MAGI2: variants seen among roughly 807,000 people sequenced by gnomAD.
MAGI2 encodes the protein membrane-associated guanylate kinase, WW and PDZ domain-containing protein 2.
MAGI2 carries 35 observed loss-of-function variants against 133.3 expected under a neutral mutation model. The observed-to-expected ratio is 0.26, with a 90% CI of 0.20 to 0.35. The LOEUF (loss-of-function observed/expected upper bound fraction) is 0.35. MAGI2 is among the 10% of genes least tolerant of loss of function. The pLI, the probability that MAGI2 is intolerant of heterozygous loss-of-function variation, is 1.00. For synonymous variants in MAGI2, 729 were observed against 710.6 expected (o/e 1.03, Z -0.41); for missense variants, 1,636 against 1,863.4 (o/e 0.88, Z 2.25).
At chr7:78,611,820 A>G (rs1806480117) in intron 3 of MAGI2, among the ~76,000 whole-genome samples, 1 of 152,134 alleles carries the variant, frequency 6.6e-6, no homozygotes, top group South Asian at 2.1e-4. Context: ...CCAGCACAAA[A>G]AGGTTGTAAA....
chr7:79,126,175 A>G (rs761284487), intron 1 of MAGI2, among the ~76,000 whole-genome samples: 1 of 152,158 alleles, frequency 6.6e-6, no homozygotes, highest in South Asian at 2.1e-4. Context: ...AAAATAGAGG[A>G]AGATGAAGTA....
intron 2 of MAGI2, among the ~76,000 whole-genome samples, chr7:78,763,690 G>A (rs2151304737): frequency 6.6e-6 from 1 of 151,892 alleles, no homozygotes; most frequent in African/African-American, 2.4e-5. Context: ...TTACCCTAAA[G>A]AGTCCAATTA....
intron 1 of MAGI2, among the ~76,000 whole-genome samples, chr7:79,115,854 G>GTTTTTTTTTT (rs59398227): frequency 1.8e-4 from 17 of 93,944 alleles, no homozygotes; most frequent in African/African-American, 6.5e-4. Context: ...ATGTTTTAAA[G>GTTTTTTTTTT]TTTTTTTTTT....
At position 78,744,956 on chromosome 7, in the gene MAGI2, T is replaced by C. The variant is rs11977316; in HGVS notation, c.419-117717A>G. On this transcript the variant is annotated intron_variant, in intron 2 of 21. Coordinates refer to ENST00000354212, the MANE Select transcript of MAGI2 (RefSeq NM_012301.4). ...TCCCAGGTCCTGTTTGTAATAATAG[T>C]TAGAGCTGACTATGTACCAGGATGG... Among the ~76,000 whole-genome samples, 1,112 of 152,304 alleles carry C rather than the reference T, an allele frequency of 7.3e-3. 8 individuals carry two copies. Among genetic ancestry groups the C allele is most frequent in the African/African-American group, 0.025 (1,044 of 41,558 alleles).
At chr7:78,396,317 C>G (rs1796341092) in intron 6 of MAGI2, among the ~76,000 whole-genome samples, 2 of 152,170 alleles carry the variant, frequency 1.3e-5, no homozygotes, top group Admixed American at 1.3e-4. Flanking sequence ...ATTCTGCCAG[C>G]CTCCCTGACT....
chr7:78,515,946 G>C (rs1001202618), intron 4 of MAGI2, among the ~76,000 whole-genome samples: 1 of 151,992 alleles, frequency 6.6e-6, no homozygotes, highest in African/African-American at 2.4e-5. Context: ...TATATATATG[G>C]GGATGCCAGA....
At chr7:78,104,622 C>T (rs766107847) in intron 20 of MAGI2, among the ~76,000 whole-genome samples, 27 of 152,156 alleles carry the variant, frequency 1.8e-4, no homozygotes, top group Non-Finnish European at 3.7e-4. Flanking sequence ...TTGCTGTTTC[C>T]AGGACACACA....
intron 2 of MAGI2, among the ~76,000 whole-genome samples, chr7:78,770,359 T>C (rs1825455791): frequency 6.6e-6 from 1 of 152,242 alleles, no homozygotes; most frequent in Non-Finnish European, 1.5e-5. Flanking sequence ...ACCTGGTGTG[T>C]GTCTTTGTTG....
intron 6 of MAGI2, among the ~76,000 whole-genome samples, chr7:78,392,585 C>G (rs1489226178): frequency 2.0e-5 from 3 of 152,100 alleles, no homozygotes; most frequent in Non-Finnish European, 4.4e-5. Flanking sequence ...AAAAGAGGAA[C>G]AACATAATTG....
Position 79,026,050 on chromosome 7 carries a change from A to G in MAGI2, c.302-18844T>C, listed in dbSNP as rs373720607. On this transcript the variant is annotated intron_variant, in intron 1 of 21. Transcript: ENST00000354212. ...CATACTGCTCTAGATTGGTGCATTCAATTGTCCTTACCTGAAGTCTATCAG... is the reference window on the plus strand; with the variant it reads ...CATACTGCTCTAGATTGGTGCATTCGATTGTCCTTACCTGAAGTCTATCAG... Among the ~76,000 whole-genome samples, 34 of 152,310 alleles carry G rather than the reference A, an allele frequency of 2.2e-4. No homozygotes were observed. In the South Asian group the frequency reaches 7.0e-3, roughly 32 times the overall value.
intron 2 of MAGI2, among the ~76,000 whole-genome samples, chr7:78,956,344 C>T (rs999016826): frequency 6.6e-6 from 1 of 152,034 alleles, no homozygotes; most frequent in African/African-American, 2.4e-5. Flanking sequence ...GAAATGTTTC[C>T]CATCCATGCT....
intron 10 of MAGI2, among the ~76,000 whole-genome samples, chr7:78,239,565 GA>G (rs1438926583): frequency 3.3e-5 from 5 of 151,852 alleles, no homozygotes; most frequent in African/African-American, 1.2e-4. Context: ...TCAATAGCAA[GA>G]AAAAAATAAC....
intron 6 of MAGI2, among the ~76,000 whole-genome samples, chr7:78,400,999 C>G (rs764121403): frequency 6.6e-6 from 1 of 151,652 alleles, no homozygotes; most frequent in African/African-American, 2.4e-5. Context: ...GTATTTACCT[C>G]GTAAGTTCTT....
chr7:79,171,743 AAT>A (rs34570751), intron 1 of MAGI2, among the ~76,000 whole-genome samples: 324 of 29,550 alleles, frequency 0.011, 5 homozygotes, highest in African/African-American at 0.019. Context: ...AATAGCCAAA[AAT>A]ATATATATAT....
chr7:79,005,584 A>G (rs1422296031), intron 2 of MAGI2, among the ~76,000 whole-genome samples: 16 of 152,200 alleles, frequency 1.1e-4, no homozygotes, highest in Admixed American at 1.0e-3. Context: ...GACTACATGT[A>G]TTCCTGAATG....
At chr7:79,373,384 T>A (rs1281439480) in intron 1 of MAGI2, among the ~76,000 whole-genome samples, 4 of 152,028 alleles carry the variant, frequency 2.6e-5, no homozygotes, top group African/African-American at 9.7e-5. Flanking sequence ...ATTTTCTCTG[T>A]TTGACCAATA....
intron 1 of MAGI2, among the ~76,000 whole-genome samples, chr7:79,288,517 C>T (rs998196403): frequency 6.6e-6 from 1 of 152,088 alleles, no homozygotes; most frequent in Admixed American, 6.6e-5. Flanking sequence ...TTTTTTGGTA[C>T]AGTAAATAAC....
At chr7:79,103,749 G>A (rs1818193273) in intron 1 of MAGI2, among the ~76,000 whole-genome samples, 1 of 151,646 alleles carries the variant, frequency 6.6e-6, no homozygotes, top group Non-Finnish European at 1.5e-5. Flanking sequence ...GCCCAGCCTG[G>A]AGTGCAGTGG....
chr7:78,042,481 G>A (rs1051833977), intron 21 of MAGI2, among the ~76,000 whole-genome samples: 1 of 152,154 alleles, frequency 6.6e-6, no homozygotes, highest in African/African-American at 2.4e-5. Context: ...GAACTCCTCT[G>A]GGCTATTGTA....
Sources: gnomAD v4.1 joint callset for allele counts (sites outside exome capture counted in the v4.1 genomes callset) on GRCh38, gnomAD v4.1.1 for gene constraint, MANE v1.5 for transcripts, NCBI Gene and HGNC (gene_info 2026-07-23, HGNC 2026-07-21) for gene names.